ADAMTS17: variants seen among roughly 807,000 people sequenced by gnomAD.
The protein encoded by ADAMTS17 is ADAM metallopeptidase with thrombospondin type 1 motif 17, also known as A disintegrin and metalloproteinase with thrombospondin motifs 17.
In ADAMTS17, 113 loss-of-function variants were observed where a neutral mutation model predicts 141.5. The ratio of observed to expected loss-of-function variants is 0.80; its 90% CI spans 0.69 to 0.93. The LOEUF (loss-of-function observed/expected upper bound fraction) is 0.93, where lower values mean the gene tolerates loss of function less well. Ranked by LOEUF, ADAMTS17 falls within the 40% of genes least tolerant of loss-of-function variation. The probability of loss-of-function intolerance (pLI) is 0.00; values close to 1 mark genes in which losing one functional copy is unlikely to be tolerated. For synonymous variants in ADAMTS17, 768 were observed against 630.6 expected, an observed-to-expected ratio of 1.22 and a Z score of -3.27; for missense variants, 1,659 against 1,517.9, an observed-to-expected ratio of 1.09 and a Z score of -1.54.
intron 8 of ADAMTS17, among the ~76,000 whole-genome samples, chr15:100,173,496 G>A (rs562823235): frequency 6.6e-6 from 1 of 152,216 alleles, no homozygotes; most frequent in Non-Finnish European, 1.5e-5. Context: ...ACCCCCACCT[G>A]CTCACTTACC....
At chr15:100,334,584 G>A (rs117448505) in intron 2 of ADAMTS17, among the ~76,000 whole-genome samples, 2 of 152,026 alleles carry the variant, frequency 1.3e-5, no homozygotes, top group Non-Finnish European at 2.9e-5. Flanking sequence ...CGATCCTCCC[G>A]TCCTGCCCCC....
intron 3 of ADAMTS17, among the ~76,000 whole-genome samples, chr15:100,318,495 G>A (rs1201478924): frequency 6.6e-6 from 1 of 152,144 alleles, no homozygotes; most frequent in African/African-American, 2.4e-5. Context: ...AGGACACAGA[G>A]AGAAGGCACC....
chr15:100,231,224 T>C (rs531413761), intron 7 of ADAMTS17, among the ~76,000 whole-genome samples: 1 of 152,376 alleles, frequency 6.6e-6, no homozygotes, highest in East Asian at 1.9e-4. Context: ...TCTGAACTCA[T>C]GCCATTTGTC....
chr15:100,221,137 T>C (rs2042120772), intron 7 of ADAMTS17, among the ~76,000 whole-genome samples: 1 of 152,048 alleles, frequency 6.6e-6, no homozygotes, highest in Admixed American at 6.6e-5. Flanking sequence ...GGGCAAACGC[T>C]TATGTGTTTT....
At chr15:100,327,159 T>C (rs2045925332) in intron 3 of ADAMTS17, among the ~76,000 whole-genome samples, 1 of 152,168 alleles carries the variant, frequency 6.6e-6, no homozygotes, top group South Asian at 2.1e-4. Flanking sequence ...CTAGGCATAA[T>C]TGGTACAAAG....
intron 7 of ADAMTS17, among the ~76,000 whole-genome samples, chr15:100,205,999 C>T (rs1167861988): frequency 6.6e-6 from 1 of 152,196 alleles, no homozygotes; most frequent in African/African-American, 2.4e-5. Flanking sequence ...CCCTGCTCCT[C>T]CCTCTGGGTC....
At chr15:100,112,325 G>T (rs1171267889) in intron 13 of ADAMTS17, among the ~76,000 whole-genome samples, 2 of 152,146 alleles carry the variant, frequency 1.3e-5, no homozygotes, top group African/African-American at 4.8e-5. Flanking sequence ...TCAGGCTCCA[G>T]AACAGAGTCT....
chr15:99,996,229 T>C (rs2060800116), intron 19 of ADAMTS17, among the ~76,000 whole-genome samples: 1 of 152,098 alleles, frequency 6.6e-6, no homozygotes. Context: ...TAATTTTTTG[T>C]ATTTAGTAGA....
chr15:100,086,965 T>A (rs1438494876), intron 15 of ADAMTS17, among the ~76,000 whole-genome samples: 4 of 151,928 alleles, frequency 2.6e-5, no homozygotes, highest in Admixed American at 1.3e-4. Context: ...TTCAAAAGCA[T>A]GCAGAAGGCA....
intron 3 of ADAMTS17, among the ~76,000 whole-genome samples, chr15:100,326,443 G>C (rs898392738): frequency 5.9e-5 from 9 of 152,218 alleles, no homozygotes; most frequent in African/African-American, 2.2e-4. Context: ...GCTGAGCAAA[G>C]ATCAGCTACA....
chr15:100,007,199 G>A (rs1422123143), intron 18 of ADAMTS17, among the ~76,000 whole-genome samples: 1 of 152,224 alleles, frequency 6.6e-6, no homozygotes, highest in Non-Finnish European at 1.5e-5. Flanking sequence ...CAAATAAGCG[G>A]GGCTCAGCAT....
At chr15:100,044,820 T>G (rs562637720) in intron 18 of ADAMTS17, among the ~76,000 whole-genome samples, 11,331 of 151,900 alleles carry the variant, frequency 0.075, 1,381 homozygotes, top group African/African-American at 0.25. Context: ...TTTTTTTTTT[T>G]TTTTTGAGAC....
chr15:100,226,556 C>T (rs2042319573), intron 7 of ADAMTS17, among the ~76,000 whole-genome samples: 1 of 152,226 alleles, frequency 6.6e-6, no homozygotes, highest in African/African-American at 2.4e-5. Context: ...CAAGACTAGA[C>T]ACCGAGTGGA....
intron 3 of ADAMTS17, among the ~76,000 whole-genome samples, chr15:100,322,963 T>A (rs1404741755): frequency 6.6e-6 from 1 of 151,774 alleles, no homozygotes; most frequent in Non-Finnish European, 1.5e-5. Context: ...GGCGGGCACC[T>A]GTAGTCCCAG....
At chr15:100,067,504 G>C (rs2033624366) in intron 15 of ADAMTS17, among the ~76,000 whole-genome samples, 1 of 152,178 alleles carries the variant, frequency 6.6e-6, no homozygotes, top group South Asian at 2.1e-4. Context: ...AGAACTATTA[G>C]ACTACTCATA....
intron 8 of ADAMTS17, among the ~76,000 whole-genome samples, chr15:100,172,964 A>G (rs1221560967): frequency 6.6e-6 from 1 of 152,196 alleles, no homozygotes; most frequent in Non-Finnish European, 1.5e-5. Context: ...CCATTGCTGC[A>G]GTGTAGAAGA....
intron 8 of ADAMTS17, among the ~76,000 whole-genome samples, chr15:100,160,458 G>T (rs574329638): frequency 1.4e-3 from 206 of 152,192 alleles, no homozygotes; most frequent in Non-Finnish European, 2.4e-3. Flanking sequence ...CCTCATTTAT[G>T]GAAGAAAATT....
chr15:100,084,009 G>A (rs1315299925), intron 15 of ADAMTS17, among the ~76,000 whole-genome samples: 1 of 152,070 alleles, frequency 6.6e-6, no homozygotes, highest in Non-Finnish European at 1.5e-5. Flanking sequence ...GACAGTGGGT[G>A]CAGTGCACCG....
chr15:100,332,729 G>C (rs1290103001), intron 2 of ADAMTS17, among the ~76,000 whole-genome samples: 1 of 152,202 alleles, frequency 6.6e-6, no homozygotes, highest in Non-Finnish European at 1.5e-5. Context: ...CCTTAGGGAA[G>C]GTTTTTCTTT....
Sources: gnomAD v4.1 joint callset for allele counts (sites outside exome capture counted in the v4.1 genomes callset) on GRCh38, gnomAD v4.1.1 for gene constraint, MANE v1.5 for transcripts, NCBI Gene and HGNC (gene_info 2026-07-23, HGNC 2026-07-21) for gene names.